Variants in TFCP2L1 observed in about 807,000 individuals in gnomAD.
TFCP2L1 encodes transcription factor CP2-like protein 1.
A neutral mutation model predicts 72.2 loss-of-function variants in TFCP2L1; 12 were observed. The observed-to-expected ratio is 0.17, with a 90% CI of 0.11 to 0.27. The LOEUF (loss-of-function observed/expected upper bound fraction) is 0.27, where lower values mean the gene tolerates loss of function less well. TFCP2L1 is among the 10% of genes least tolerant of loss of function. The pLI is 1.00. For missense variants in TFCP2L1, 488 were observed against 624.6 expected, an observed-to-expected ratio of 0.78 and a Z score of 2.33; for synonymous variants, 260 against 251.0, an observed-to-expected ratio of 1.04 and a Z score of -0.34.
Position 121,222,835 on chromosome 2 carries a change from A to T in TFCP2L1, c.*1506T>A, listed in dbSNP as rs889731786. On this transcript the variant is annotated 3_prime_UTR_variant, in exon 15 of 15. Coordinates refer to ENST00000263707, the MANE Select transcript of TFCP2L1 (RefSeq NM_014553.3). ...TTAACCCACTCCCCGCTTCTCCTCT[A>T]AAGAAGGAAGAGGAATCAGGAGCCT... The T allele has an allele frequency of 2.6e-5, 4 of 152,186 alleles. No homozygotes were observed. The highest frequency in any genetic ancestry group is 9.7e-5 in the African/African-American group (4 of 41,444). 9.4% of individuals were successfully genotyped at this position (152,186 alleles called of 1,614,324 possible).
At chr2:121,261,698 A>G (rs530992809) in intron 2 of TFCP2L1, among the ~76,000 whole-genome samples, 1 of 152,350 alleles carries the variant, frequency 6.6e-6, no homozygotes, top group African/African-American at 2.4e-5. Context: ...ACACAGTCCA[A>G]CAACGGATGC....
At chr2:121,274,732 C>T (rs1573396669) in intron 2 of TFCP2L1, among the ~76,000 whole-genome samples, 1 of 151,848 alleles carries the variant, frequency 6.6e-6, no homozygotes, top group African/African-American at 2.4e-5. Flanking sequence ...ATTGCTTGAG[C>T]TCAGAAGTTT....
At chr2:121,263,392 A>G (rs559288805) in intron 2 of TFCP2L1, among the ~76,000 whole-genome samples, 16 of 151,818 alleles carry the variant, frequency 1.1e-4, no homozygotes, top group Non-Finnish European at 8.8e-5. Flanking sequence ...GTTTAACCTA[A>G]TATAACGGTT....
chr2:121,249,725 A>G (rs1321773261), intron 2 of TFCP2L1, 78 bp from the exon 3 acceptor site: 16 of 1,458,792 alleles, frequency 1.1e-5, no homozygotes, highest in Non-Finnish European at 1.5e-5. Context: ...CAGCCTTCTC[A>G]ACACCCTCAG....
At chr2:121,245,520 T>G (rs535181858) in intron 6 of TFCP2L1, among the ~76,000 whole-genome samples, 1 of 152,070 alleles carries the variant, frequency 6.6e-6, no homozygotes, top group African/African-American at 2.4e-5. Context: ...TCCAGCCACT[T>G]CTCCCTCCCA....
intron 13 of TFCP2L1, among the ~76,000 whole-genome samples, chr2:121,230,201 C>T (rs372100795): frequency 2.0e-5 from 3 of 152,072 alleles, no homozygotes; most frequent in African/African-American, 4.8e-5. Flanking sequence ...GATGGAGTTT[C>T]GCTTTTGTTG....
chr2:121,265,858 T>C (rs1401015908), intron 2 of TFCP2L1, among the ~76,000 whole-genome samples: 4 of 147,902 alleles, frequency 2.7e-5, no homozygotes, highest in Non-Finnish European at 4.5e-5. Flanking sequence ...TTCTTCCAAG[T>C]AGTAATCTTT....
intron 2 of TFCP2L1, among the ~76,000 whole-genome samples, chr2:121,254,290 T>G (rs1275763628): frequency 6.6e-6 from 1 of 152,104 alleles, no homozygotes; most frequent in African/African-American, 2.4e-5. Flanking sequence ...TCCTCTGGAG[T>G]ACATCAAACA....
chr2:121,261,456 G>A (rs923915326), intron 2 of TFCP2L1, among the ~76,000 whole-genome samples: 5 of 152,128 alleles, frequency 3.3e-5, no homozygotes, highest in Non-Finnish European at 5.9e-5. Context: ...CCAACCCAAA[G>A]GAGCTCTCGA....
chr2:121,229,901 G>A (rs1332076255), intron 13 of TFCP2L1, among the ~76,000 whole-genome samples: 1 of 152,206 alleles, frequency 6.6e-6, no homozygotes, highest in African/African-American at 2.4e-5. Flanking sequence ...TCTGTACTCA[G>A]TATCACCAGG....
intron 2 of TFCP2L1, among the ~76,000 whole-genome samples, chr2:121,269,217 C>A (rs1016147396): frequency 2.6e-5 from 4 of 151,846 alleles, no homozygotes; most frequent in Non-Finnish European, 5.9e-5. Flanking sequence ...GAGGCTGAGG[C>A]GGGGGTGGAT....
rs895079560 is a variant in TFCP2L1, at chr2:121,285,048, C to A, written c.62G>T (p.Arg21Leu). 7.3e-6 allele frequency: 11 copies of A among 1,506,624 alleles called. No individual in the cohort carries two copies. Among genetic ancestry groups the A allele is most frequent in the South Asian group, 1.3e-5 (1 of 79,334 alleles). 93.3% of individuals were successfully genotyped at this position (1,506,624 alleles called of 1,614,324 possible). Residue 21 changes from arginine to leucine, a missense_variant and splice_region_variant, in exon 1 of 15, where the codon CGT becomes CTT. Transcript: ENST00000263707. ...CGCGGGGACCGCGCGCGGCCCTTAC[C>A]GCAGGTAGCTGCCGGAGTTGTGCTG... is the stretch of plus-strand genomic sequence containing the variant. ...YNQHNSGSYL[R>L]DVLALPIFKQ... is the part of the protein sequence containing the mutation.
At chr2:121,276,720 A>G (rs1310587728) in intron 2 of TFCP2L1, among the ~76,000 whole-genome samples, 1 of 152,180 alleles carries the variant, frequency 6.6e-6, no homozygotes, top group Non-Finnish European at 1.5e-5. Context: ...AAGTCAGGCA[A>G]TAACTAGAAA....
At chr2:121,266,881 CATTA>C (rs1334404909) in intron 2 of TFCP2L1, among the ~76,000 whole-genome samples, 7 of 129,778 alleles carry the variant, frequency 5.4e-5, no homozygotes, top group Admixed American at 1.6e-4. Context: ...TTATTTTTTT[CATTA>C]TTTATTTATT....
At chr2:121,238,291 G>A (rs1020472499) in intron 8 of TFCP2L1, among the ~76,000 whole-genome samples, 5 of 152,302 alleles carry the variant, frequency 3.3e-5, no homozygotes, top group African/African-American at 1.2e-4. Context: ...AGGTGGTGAG[G>A]GGAGAGGGCA....
chr2:121,244,857 G>A (rs1686449448), intron 6 of TFCP2L1, among the ~76,000 whole-genome samples: 2 of 152,190 alleles, frequency 1.3e-5, no homozygotes, highest in African/African-American at 4.8e-5. Flanking sequence ...GTGAACCACA[G>A]ACTAGGAGAA....
chr2:121,227,473 G>A (rs937106613), intron 13 of TFCP2L1, among the ~76,000 whole-genome samples: 6 of 152,120 alleles, frequency 3.9e-5, no homozygotes, highest in African/African-American at 1.4e-4. Context: ...CCTGAGGTCA[G>A]GAGTTCCAGA....
In TFCP2L1 at chr2:121,285,190, G is replaced by A. The variant is rs566843945; in HGVS notation, c.-81C>T. The A allele has an allele frequency of 7.5e-5, 94 of 1,259,206 alleles. No homozygotes were observed. The highest frequency in any genetic ancestry group is 4.9e-4 in the African/African-American group (31 of 63,350). 78.0% of individuals were successfully genotyped at this position (1,259,206 alleles called of 1,614,324 possible). ...GCGCCGAGGACCCAGCGGCGGCTTCGCGCTCCGAACCCGCGGTGCCGGCCG... is the reference window on the plus strand; with the variant it reads ...GCGCCGAGGACCCAGCGGCGGCTTCACGCTCCGAACCCGCGGTGCCGGCCG... On this transcript the variant is annotated 5_prime_UTR_variant, in exon 1 of 15. Transcript: ENST00000263707.
chr2:121,279,056 G>C (rs903993256), intron 2 of TFCP2L1, among the ~76,000 whole-genome samples: 2 of 152,020 alleles, frequency 1.3e-5, no homozygotes, highest in Non-Finnish European at 2.9e-5. Flanking sequence ...CTCAGCTAAT[G>C]GCCTTACCAA....
Sources: allele counts gnomAD v4.1 joint callset (sites outside exome capture counted in the v4.1 genomes callset), GRCh38; gene constraint gnomAD v4.1.1; transcripts MANE v1.5; gene names NCBI Gene and HGNC (gene_info 2026-07-23, HGNC 2026-07-21).